Variants in COA7 observed in about 807,000 individuals in gnomAD.
COA7 encodes the protein cytochrome c oxidase assembly factor 7.
In COA7, 12 loss-of-function variants were observed where a neutral mutation model predicts 21.0. That is an observed-to-expected ratio of 0.57 (90% CI 0.37 to 0.92). The LOEUF is 0.92. Among genes scored for constraint, COA7 ranks in the 40% least tolerant of loss-of-function variants. The pLI is 0.01. For synonymous variants in COA7, 95 were observed against 107.4 expected (o/e 0.88, Z 0.72); for missense variants, 240 against 286.1 (o/e 0.84, Z 1.16).
chr1:52,689,033 A>G (rs574825398), intron 2 of COA7, among the ~76,000 whole-genome samples: 2 of 152,244 alleles, frequency 1.3e-5, no homozygotes, highest in South Asian at 4.1e-4. Context: ...TTATTTACTC[A>G]GTATTTACAT....
chr1:52,693,218 A>G (rs978153244), intron 1 of COA7, among the ~76,000 whole-genome samples: 4 of 143,194 alleles, frequency 2.8e-5, no homozygotes, highest in Non-Finnish European at 6.4e-5. Flanking sequence ...GGAATCTCTC[A>G]TGAAGTTAAA....
chr1:52,695,803 C>T (rs893315273), intron 1 of COA7, among the ~76,000 whole-genome samples: 2 of 152,072 alleles, frequency 1.3e-5, no homozygotes, highest in Non-Finnish European at 2.9e-5. Flanking sequence ...GTAACTATAG[C>T]CTCTTCTCAG....
chr1:52,694,222 G>A (rs117353438), intron 1 of COA7, among the ~76,000 whole-genome samples: 2,949 of 152,074 alleles, frequency 0.019, 67 homozygotes, highest in East Asian at 0.13. Flanking sequence ...AATTTGGGAG[G>A]CCGAGGCAGG....
chr1:52,688,717 C>A (rs1237228227), intron 2 of COA7, among the ~76,000 whole-genome samples: 1 of 152,140 alleles, frequency 6.6e-6, no homozygotes, highest in Admixed American at 6.6e-5. Flanking sequence ...TGAGCTCAGG[C>A]AGCATGAAAG....
Position 52,685,738 on chromosome 1 carries a change from G to A in COA7, c.*1982C>T, listed in dbSNP as rs939704276. On this transcript the variant is annotated 3_prime_UTR_variant, in exon 3 of 3. Coordinates refer to ENST00000371538, the MANE Select transcript of COA7 (RefSeq NM_023077.3). Reference sequence around the variant, plus strand: ...CCACCACCACACCCAGATAATTTTTGTATTTTTAGTAGATACGAGGTTTCA... The same window carrying A: ...CCACCACCACACCCAGATAATTTTTATATTTTTAGTAGATACGAGGTTTCA... 3 of 151,954 alleles carry A rather than the reference G, an allele frequency of 2.0e-5. No homozygotes were observed. Among genetic ancestry groups the A allele is most frequent in the African/African-American group, 7.3e-5 (3 of 41,342 alleles). 9.4% of individuals were successfully genotyped at this position (151,954 alleles called of 1,614,324 possible).
chr1:52,688,732 C>T (rs1258253662), intron 2 of COA7, among the ~76,000 whole-genome samples: 1 of 152,240 alleles, frequency 6.6e-6, no homozygotes, highest in African/African-American at 2.4e-5. Flanking sequence ...TGAAAGGTAG[C>T]CTGGCATAGT....
chr1:52,690,040 G>A (rs11579156), intron 2 of COA7, among the ~76,000 whole-genome samples: 2,513 of 66,062 alleles, frequency 0.038, 33 homozygotes, highest in African/African-American at 0.076. Context: ...AAAAAAAAAA[G>A]AAAAAAAAAA....
In COA7 at chr1:52,692,887, G is replaced by C. The variant is rs200693966; in HGVS notation, c.107-20C>G. The C allele has an allele frequency of 1.9e-4, 303 of 1,613,740 alleles. No individual in the cohort carries two copies. The highest frequency in any genetic ancestry group is 3.2e-5 in the Non-Finnish European group (38 of 1,179,940). Reference sequence around the variant, plus strand: ...AGCAACCTGCGAGAAGAGGGCAAGGGTTGTTCTTCATGTCTGGGGCTGCTG... The same window carrying C: ...AGCAACCTGCGAGAAGAGGGCAAGGCTTGTTCTTCATGTCTGGGGCTGCTG... On this transcript the variant is annotated intron_variant, in intron 1 of 2. Coordinates refer to ENST00000371538, the MANE Select transcript of COA7 (RefSeq NM_023077.3).
intron 1 of COA7, among the ~76,000 whole-genome samples, chr1:52,695,382 T>C (rs899825552): frequency 2.0e-5 from 3 of 150,996 alleles, no homozygotes; most frequent in African/African-American, 7.3e-5. Context: ...GGAGAAGTAC[T>C]TGAACCTGGG....
At chr1:52,695,597 G>T (rs1203969478) in intron 1 of COA7, among the ~76,000 whole-genome samples, 3 of 151,808 alleles carry the variant, frequency 2.0e-5, no homozygotes, top group African/African-American at 7.3e-5. Flanking sequence ...TATATAATTG[G>T]GCATTGATAA....
intron 1 of COA7, among the ~76,000 whole-genome samples, chr1:52,697,039 G>A (rs1644088800): frequency 6.6e-6 from 1 of 151,988 alleles, no homozygotes; most frequent in African/African-American, 2.4e-5. Flanking sequence ...AACCCAGGAG[G>A]CAAAGGTTGC....
rs1644021478 is a variant in COA7, at chr1:52,688,274, T to C, written c.248-106A>G. 3 of 889,270 alleles carry C rather than the reference T, an allele frequency of 3.4e-6. No homozygotes were observed. The Admixed American group carries it at 8.1e-5, about 24-fold the overall frequency. The allele number at this position is 889,270 out of a possible 1,614,324, so 55.1% of individuals were successfully genotyped here. On this transcript the variant is annotated intron_variant, in intron 2 of 2. Transcript: ENST00000371538. Reference sequence around the variant, plus strand: ...TTTTTTTTTTTTGGAGAAAGGGTCTTGCTTTGTTAACCAGGCTGGAGTGCA... The same window carrying C: ...TTTTTTTTTTTTGGAGAAAGGGTCTCGCTTTGTTAACCAGGCTGGAGTGCA...
intron 2 of COA7, among the ~76,000 whole-genome samples, chr1:52,689,050 A>T (rs1023093334): frequency 6.6e-6 from 1 of 152,232 alleles, no homozygotes; most frequent in African/African-American, 2.4e-5. Context: ...ACATTGTATT[A>T]GATAGTCTAA....
intron 1 of COA7, among the ~76,000 whole-genome samples, chr1:52,694,461 G>GGAAAAAAAAAAAAA (rs751466526): frequency 1.5e-5 from 1 of 65,000 alleles, no homozygotes; most frequent in Non-Finnish European, 3.1e-5. Context: ...ACTCCATCTC[G>GGAAAAAAAAAAAAA]AAAAAAAAAA....
chr1:52,689,965 T>G (rs1644032155), intron 2 of COA7, among the ~76,000 whole-genome samples: 1 of 148,288 alleles, frequency 6.7e-6, no homozygotes, highest in Admixed American at 6.8e-5. Context: ...AAGTGGAGCT[T>G]GCAGTGAGCA....
intron 1 of COA7, among the ~76,000 whole-genome samples, chr1:52,696,062 A>C (rs566728321): frequency 6.6e-6 from 1 of 152,256 alleles, no homozygotes; most frequent in South Asian, 2.1e-4. Context: ...ACACTTGCCC[A>C]GCCCTCCAGA....
At chr1:52,694,718 G>A (rs997008861) in intron 1 of COA7, among the ~76,000 whole-genome samples, 1 of 149,854 alleles carries the variant, frequency 6.7e-6, no homozygotes, top group African/African-American at 2.5e-5. Context: ...TGGGAGTGGG[G>A]CAGGGATTTG....
In COA7 at chr1:52,692,690, A is replaced by G. The variant is rs749164096; in HGVS notation, c.247+37T>C. On this transcript the variant is annotated intron_variant, in intron 2 of 2. Transcript: ENST00000371538. ...GCTCAGGTGTGAGGCCAGCACTGCT[A>G]TCAATGACAAGGACCCAAAAGGCAG... is the stretch of plus-strand genomic sequence containing the variant. 11 of 1,612,946 alleles carry G rather than the reference A, an allele frequency of 6.8e-6. No individual in the cohort carries two copies. In the East Asian group the frequency reaches 1.1e-4, roughly 16 times the overall value.
chr1:52,688,689 A>G (rs990263337), intron 2 of COA7, among the ~76,000 whole-genome samples: 2 of 152,182 alleles, frequency 1.3e-5, no homozygotes, highest in African/African-American at 4.8e-5. Context: ...TCAAAAAGAA[A>G]AAAAAATGTC....
Sources: gnomAD v4.1 joint callset for allele counts (sites outside exome capture counted in the v4.1 genomes callset) on GRCh38, gnomAD v4.1.1 for gene constraint, MANE v1.5 for transcripts, NCBI Gene and HGNC (gene_info 2026-07-23, HGNC 2026-07-21) for gene names.